TBC1D7: variants seen among roughly 807,000 people sequenced by gnomAD.
TBC1D7 encodes the protein TBC1 domain family member 7.
A neutral mutation model predicts 35.3 loss-of-function variants in TBC1D7; 33 were observed. The observed-to-expected ratio is 0.93, with a 90% CI of 0.71 to 1.25. The LOEUF is 1.25. TBC1D7 is among the 50% of genes most tolerant of loss of function. The pLI is 0.00. For synonymous variants in TBC1D7, 135 were observed against 129.5 expected, an observed-to-expected ratio of 1.04 and a Z score of -0.29; for missense variants, 362 against 365.3, an observed-to-expected ratio of 0.99 and a Z score of 0.07.
At chr6:13,320,622 G>A (rs1310244016) in intron 4 of TBC1D7, 2 of 599,954 alleles carry the variant, frequency 3.3e-6, no homozygotes, top group African/African-American at 3.7e-5. Context: ...GTTAACAACT[G>A]GAGAATCTGG....
At chr6:13,318,546 T>A (rs1156639584) in intron 4 of TBC1D7, among the ~76,000 whole-genome samples, 1 of 152,256 alleles carries the variant, frequency 6.6e-6, no homozygotes, top group Non-Finnish European at 1.5e-5. Context: ...CAATTATTTT[T>A]TAGGGACCTT....
chr6:13,312,577 A>G (rs933423503), intron 5 of TBC1D7, among the ~76,000 whole-genome samples: 1 of 151,898 alleles, frequency 6.6e-6, no homozygotes, highest in Non-Finnish European at 1.5e-5. Flanking sequence ...CTGTAGTCCC[A>G]GCTACTCAGG....
intron 4 of TBC1D7, chr6:13,318,059 A>C (rs1034327650): frequency 6.5e-6 from 1 of 152,760 alleles, no homozygotes. Context: ...AGAGGAAGAG[A>C]GTCCTGGGTG....
chr6:13,311,467 T>C (rs374170935), intron 5 of TBC1D7, among the ~76,000 whole-genome samples: 2 of 152,210 alleles, frequency 1.3e-5, no homozygotes, highest in Admixed American at 6.5e-5. Context: ...CACATTTCCA[T>C]AGAACTAAGC....
chr6:13,307,460 T>C (rs1284224759), intron 6 of TBC1D7, 140 bp downstream of exon 6: 7 of 804,792 alleles, frequency 8.7e-6, no homozygotes, highest in African/African-American at 1.7e-5. Context: ...CATGTGCTGT[T>C]ACGGTAGCTG....
chr6:13,309,663 A>C (rs2496140), intron 5 of TBC1D7, among the ~76,000 whole-genome samples: 1 of 152,012 alleles, frequency 6.6e-6, no homozygotes, highest in African/African-American at 2.4e-5. Flanking sequence ...CCCAATGATA[A>C]CTACTGGTAA....
intron 2 of TBC1D7, 40 bp downstream of exon 2, chr6:13,326,747 T>A (rs774125172): frequency 1.3e-5 from 17 of 1,293,476 alleles, no homozygotes; most frequent in Non-Finnish European, 1.9e-5. Flanking sequence ...ACATGTGGAG[T>A]GATTGAGAAC....
chr6:13,317,049 T>C (rs1783683941), intron 4 of TBC1D7, among the ~76,000 whole-genome samples: 1 of 152,216 alleles, frequency 6.6e-6, no homozygotes, highest in Admixed American at 6.5e-5. Context: ...TAGGTGAGGA[T>C]ATCTTTGAAA....
intron 7 of TBC1D7, chr6:13,306,131 A>C: frequency 3.6e-6 from 1 of 276,298 alleles, no homozygotes; most frequent in Non-Finnish European, 6.8e-6. Flanking sequence ...ACACTGTATG[A>C]TTTCTCTGAA....
chr6:13,315,403 T>C (rs1783531443), intron 5 of TBC1D7, among the ~76,000 whole-genome samples: 2 of 152,212 alleles, frequency 1.3e-5, no homozygotes, highest in South Asian at 4.1e-4. Flanking sequence ...TACAGGAATA[T>C]ACTGAATACA....
chr6:13,316,436 C>T, intron 5 of TBC1D7, 135 bp downstream of exon 5: 1 of 953,786 alleles, frequency 1.0e-6, no homozygotes, highest in East Asian at 2.4e-5. Flanking sequence ...TGGACTTTTA[C>T]AGAAAACGCT....
intron 4 of TBC1D7, among the ~76,000 whole-genome samples, chr6:13,317,901 C>T (rs1783750057): frequency 6.6e-6 from 1 of 152,264 alleles, no homozygotes; most frequent in African/African-American, 2.4e-5. Context: ...CCCTCCGAAA[C>T]TTATGTTGAA....
chr6:13,305,365 G>A (rs1002749564), intron 7 of TBC1D7, among the ~76,000 whole-genome samples, 178 bp from the exon 8 acceptor site: 2 of 152,184 alleles, frequency 1.3e-5, no homozygotes, highest in Non-Finnish European at 2.9e-5. Flanking sequence ...TCCAGTGTCA[G>A]CCTGCCTGGG....
chr6:13,316,083 G>A (rs1176178311), intron 5 of TBC1D7, among the ~76,000 whole-genome samples: 1 of 152,210 alleles, frequency 6.6e-6, no homozygotes, highest in African/African-American at 2.4e-5. Context: ...TATGAATACT[G>A]GAGCAGAATG....
rs1288972793 is a variant in TBC1D7 at position 13,323,555 on chromosome 6, C to T, written c.193+1539G>A. Among the ~76,000 whole-genome samples the T allele has an allele frequency of 2.6e-5, 4 of 151,986 alleles. 1 individual carries two copies. Among genetic ancestry groups the T allele is most frequent in the East Asian group, 3.9e-4 (2 of 5,192 alleles). On this transcript the variant is annotated intron_variant, in intron 3 of 7. Coordinates refer to ENST00000379300, the MANE Select transcript of TBC1D7 (RefSeq NM_016495.6). ...CACTTAAAATGTACCCCAGAAGGCACGGAGAACAGTAACATTTAAAGAAAA... is the reference window on the plus strand; with the variant it reads ...CACTTAAAATGTACCCCAGAAGGCATGGAGAACAGTAACATTTAAAGAAAA...
chr6:13,326,134 T>C (rs1784389112), intron 2 of TBC1D7, among the ~76,000 whole-genome samples: 1 of 152,230 alleles, frequency 6.6e-6, no homozygotes, highest in Non-Finnish European at 1.5e-5. Flanking sequence ...CAAACTAAAA[T>C]GTCAATATAC....
rs115899177 is a variant in TBC1D7 at position 13,316,939 on chromosome 6, G to A, written c.382-231C>T. Among the ~76,000 whole-genome samples, 236 of 152,276 alleles carry A rather than the reference G, an allele frequency of 1.5e-3. 1 individual carries two copies. The highest frequency in any genetic ancestry group is 5.4e-3 in the African/African-American group (225 of 41,550). On this transcript the variant is annotated intron_variant, in intron 4 of 7. Coordinates refer to ENST00000379300, the MANE Select transcript of TBC1D7 (RefSeq NM_016495.6). Reference sequence around the variant, plus strand: ...TGAATGACCAGGTTTCAGGCTGAGTGTACAGACACTCCCCAGCTTCTAACA... The same window carrying A: ...TGAATGACCAGGTTTCAGGCTGAGTATACAGACACTCCCCAGCTTCTAACA...
intron 1 of TBC1D7, 83 bp downstream of exon 1, chr6:13,328,213 C>T (rs1412392847): frequency 1.3e-5 from 2 of 152,298 alleles, no homozygotes; most frequent in African/African-American, 4.8e-5. Context: ...ATCTCCTGCC[C>T]ATGCGCGTCC....
At chr6:13,322,833 T>A (rs1473146886) in intron 3 of TBC1D7, among the ~76,000 whole-genome samples, 1 of 152,190 alleles carries the variant, frequency 6.6e-6, no homozygotes, top group Non-Finnish European at 1.5e-5. Context: ...CAAACCCTCA[T>A]CACCCTGCTA....
Sources: allele counts gnomAD v4.1 joint callset (sites outside exome capture counted in the v4.1 genomes callset), GRCh38; gene constraint gnomAD v4.1.1; transcripts MANE v1.5; gene names NCBI Gene and HGNC (gene_info 2026-07-23, HGNC 2026-07-21).